RASGEF1A: variants seen among roughly 807,000 people sequenced by gnomAD.
RASGEF1A encodes ras-GEF domain-containing family member 1A.
In RASGEF1A, 18 loss-of-function variants were observed where a neutral mutation model predicts 56.4. That is an observed-to-expected ratio of 0.32 (90% confidence interval 0.22 to 0.47). The LOEUF (loss-of-function observed/expected upper bound fraction) is 0.47, where lower values mean the gene tolerates loss of function less well. Ranked by LOEUF, RASGEF1A falls within the 20% of genes least tolerant of loss-of-function variation. RASGEF1A has a pLI of 1.00. For missense variants in RASGEF1A, 422 were observed against 627.1 expected (o/e 0.67, Z 3.49); for synonymous variants, 245 against 242.6 (o/e 1.01, Z -0.09).
chr10:43,233,695 C>A (rs374204913), intron 1 of RASGEF1A, among the ~76,000 whole-genome samples: 2 of 152,138 alleles, frequency 1.3e-5, no homozygotes, highest in East Asian at 3.8e-4. Context: ...TGCAGCCAGG[C>A]GGGAAAACAG....
At chr10:43,203,194 C>CTA (rs1197677681) in intron 3 of RASGEF1A, 104 bp downstream of exon 3, 17,916 of 1,019,546 alleles carry the variant, frequency 0.018, 662 homozygotes, top group African/African-American at 0.13. Flanking sequence ...CTGACCCCAT[C>CTA]CCCCAGCTCT....
At chr10:43,241,674 A>T (rs1264600233) in intron 1 of RASGEF1A, among the ~76,000 whole-genome samples, 1 of 152,234 alleles carries the variant, frequency 6.6e-6, no homozygotes, top group Non-Finnish European at 1.5e-5. Flanking sequence ...GGCATAAGAC[A>T]TAAAAAACAA....
intron 1 of RASGEF1A, among the ~76,000 whole-genome samples, chr10:43,226,582 G>A (rs1276846574): frequency 6.6e-6 from 1 of 151,904 alleles, no homozygotes; most frequent in Non-Finnish European, 1.5e-5. Context: ...TGTCCCATCT[G>A]CCTCTGAACT....
intron 1 of RASGEF1A, among the ~76,000 whole-genome samples, chr10:43,214,647 C>T (rs1212834751): frequency 1.3e-5 from 2 of 152,160 alleles, no homozygotes; most frequent in African/African-American, 2.4e-5. Context: ...GTCAGGCCTC[C>T]GTTCAACTCC....
chr10:43,197,134 CA>C (rs768461243), intron 10 of RASGEF1A, 35 bp from the exon 11 acceptor site: 11 of 1,607,790 alleles, frequency 6.8e-6, no homozygotes, highest in Non-Finnish European at 7.6e-6. Context: ...GTTCATCTGT[CA>C]CCTTAAGCAC....
At chr10:43,237,374 T>C (rs1840443117) in intron 1 of RASGEF1A, among the ~76,000 whole-genome samples, 2 of 151,856 alleles carry the variant, frequency 1.3e-5, no homozygotes, top group Non-Finnish European at 2.9e-5. Flanking sequence ...CCCCTGGCCA[T>C]CATGGGCCCA....
chr10:43,211,619 A>G (rs1262246956), intron 1 of RASGEF1A, among the ~76,000 whole-genome samples: 1 of 152,138 alleles, frequency 6.6e-6, no homozygotes, highest in African/African-American at 2.4e-5. Flanking sequence ...TGTCCCCCAG[A>G]GGATGAAGTG....
rs75300019 is a variant in RASGEF1A, at chr10:43,256,131, G to A, written c.-7+10714C>T. 9.3e-3 allele frequency among the ~76,000 whole-genome samples: 1,413 copies of A among 152,274 alleles called. 30 individuals are homozygous for A. Among genetic ancestry groups the A allele is most frequent in the African/African-American group, 0.032 (1,345 of 41,544 alleles). On this transcript the variant is annotated intron_variant, in intron 1 of 12. Coordinates refer to ENST00000395810, the MANE Select transcript of RASGEF1A (RefSeq NM_145313.4). Reference sequence around the variant, plus strand: ...GGGACCCAGAGTGAACTGACTTTAGGGAGCCCATGCTAATGACTGTCCTGG... The same window carrying A: ...GGGACCCAGAGTGAACTGACTTTAGAGAGCCCATGCTAATGACTGTCCTGG...
intron 1 of RASGEF1A, among the ~76,000 whole-genome samples, chr10:43,257,048 G>C (rs4648312): frequency 0.28 from 43,280 of 152,108 alleles, 6,550 homozygotes; most frequent in Non-Finnish European, 0.33. Context: ...GGCGTGCATG[G>C]CCTGCAGTGG....
chr10:43,256,379 G>A (rs373814669), intron 1 of RASGEF1A, among the ~76,000 whole-genome samples: 25 of 152,304 alleles, frequency 1.6e-4, no homozygotes, highest in African/African-American at 6.0e-4. Flanking sequence ...CTCAGAGATG[G>A]GACAAGGGCT....
At chr10:43,247,972 G>C (rs1170240172) in intron 1 of RASGEF1A, among the ~76,000 whole-genome samples, 3 of 151,908 alleles carry the variant, frequency 2.0e-5, no homozygotes, top group African/African-American at 7.3e-5. Flanking sequence ...GCTGAGGTGG[G>C]AGGATCACTT....
intron 1 of RASGEF1A, among the ~76,000 whole-genome samples, chr10:43,230,661 G>A (rs1840354591): frequency 6.6e-6 from 1 of 152,124 alleles, no homozygotes; most frequent in African/African-American, 2.4e-5. Flanking sequence ...TGACAACTCT[G>A]GAGAGCTCTC....
chr10:43,207,818 A>C (rs2133191491), intron 1 of RASGEF1A: 5 of 612,312 alleles, frequency 8.2e-6, no homozygotes, highest in Non-Finnish European at 1.0e-5. Context: ...CCCAGGAACC[A>C]CTGATGTGAG....
At chr10:43,263,979 C>T (rs1836579866) in intron 1 of RASGEF1A, among the ~76,000 whole-genome samples, 1 of 152,086 alleles carries the variant, frequency 6.6e-6, no homozygotes, top group Non-Finnish European at 1.5e-5. Context: ...CCCTCACAGC[C>T]CTCTGTCATG....
Position 43,197,992 on chromosome 10 carries a change from G to T in RASGEF1A, c.1224+12C>A, listed in dbSNP as rs754684841. On this transcript the variant is annotated intron_variant, in intron 10 of 12. Transcript: ENST00000395810. ...TTTCCGCCTGGCCTGCCCTGTGCTGGGATGAGCTCACCTTAAAGTTAATGT... is the reference window on the plus strand; with the variant it reads ...TTTCCGCCTGGCCTGCCCTGTGCTGTGATGAGCTCACCTTAAAGTTAATGT... The T allele has an allele frequency of 6.2e-7, 1 of 1,601,616 alleles. No individual in the cohort carries two copies. Among genetic ancestry groups the T allele is most frequent in the Non-Finnish European group, 8.5e-7 (1 of 1,170,880 alleles).
At chr10:43,233,058 C>T (rs1005537914) in intron 1 of RASGEF1A, among the ~76,000 whole-genome samples, 1 of 152,154 alleles carries the variant, frequency 6.6e-6, no homozygotes, top group Admixed American at 6.5e-5. Context: ...GGCCCCCCAC[C>T]CCGACAGGCC....
chr10:43,255,016 C>T (rs1000088491), intron 1 of RASGEF1A, among the ~76,000 whole-genome samples: 1 of 152,148 alleles, frequency 6.6e-6, no homozygotes, highest in African/African-American at 2.4e-5. Context: ...CTCCCCATTC[C>T]CAGGCATCTG....
rs1049840647 is a variant in RASGEF1A at position 43,195,719 on chromosome 10, C to T, written c.*525G>A. 1.3e-5 allele frequency: 2 copies of T among 152,774 alleles called. No homozygotes were observed. Among genetic ancestry groups the T allele is most frequent in the Admixed American group, 6.5e-5 (1 of 15,298 alleles). 9.5% of individuals were successfully genotyped at this position (152,774 alleles called of 1,614,324 possible). ...CGGACGCGACCTCCCAGCCACCAGC[C>T]CTCCTATGGAGCCTCGCAGCCCAGG... On this transcript the variant is annotated 3_prime_UTR_variant, in exon 13 of 13. Transcript: ENST00000395810. This position sits in a 1 kb window ranked among gnomAD's most constrained non-coding sequence, Gnocchi z 4.2.
intron 1 of RASGEF1A, among the ~76,000 whole-genome samples, chr10:43,264,163 C>A (rs1481563775): frequency 6.6e-6 from 1 of 152,032 alleles, no homozygotes; most frequent in East Asian, 2.0e-4. Context: ...TGCTCCCGGG[C>A]TGCTAGCTGG....
Sources: allele counts gnomAD v4.1 joint callset (sites outside exome capture counted in the v4.1 genomes callset), GRCh38; gene constraint gnomAD v4.1.1; non-coding constraint Gnocchi (gnomAD v3.1); transcripts MANE v1.5; gene names NCBI Gene and HGNC (gene_info 2026-07-23, HGNC 2026-07-21).